PLCL2: variants seen among roughly 807,000 people sequenced by gnomAD.
The protein encoded by PLCL2 is phospholipase C like 2, also known as inactive phospholipase C-like protein 2.
PLCL2 carries 4 observed loss-of-function variants against 79.6 expected under a neutral mutation model. The ratio of observed to expected loss-of-function variants is 0.05; its 90% CI spans 0.02 to 0.11. PLCL2 has a LOEUF of 0.11. Among genes scored for constraint, PLCL2 ranks in the 10% least tolerant of loss-of-function variants. PLCL2 has a pLI of 1.00. For missense variants in PLCL2, 895 were observed against 1,291.0 expected (o/e 0.69, Z 4.70); for synonymous variants, 484 against 457.7 (o/e 1.06, Z -0.73).
chr3:16,961,179 A>G (rs762628188), intron 1 of PLCL2, among the ~76,000 whole-genome samples: 3 of 152,262 alleles, frequency 2.0e-5, no homozygotes, highest in Non-Finnish European at 2.9e-5. Flanking sequence ...ATTTCATTGT[A>G]TACTCGTGGT....
At chr3:16,902,283 GA>G (rs1696639251) in intron 1 of PLCL2, among the ~76,000 whole-genome samples, 1 of 152,222 alleles carries the variant, frequency 6.6e-6, no homozygotes, top group Non-Finnish European at 1.5e-5. Flanking sequence ...GCAAGGTTAA[GA>G]AATTACAGCA....
intron 1 of PLCL2, among the ~76,000 whole-genome samples, chr3:16,946,953 C>CTTT (rs1056023349): frequency 8.4e-5 from 8 of 95,436 alleles, no homozygotes; most frequent in African/African-American, 1.7e-4. Context: ...AAGTTTCATT[C>CTTT]TTTTTTTTTT....
intron 4 of PLCL2, among the ~76,000 whole-genome samples, chr3:17,050,755 A>T (rs1303104676): frequency 6.6e-6 from 1 of 152,204 alleles, no homozygotes; most frequent in Non-Finnish European, 1.5e-5. Flanking sequence ...AAAAAAACTA[A>T]AAATAGAGCT....
At chr3:16,996,310 G>C (rs1180096813) in intron 1 of PLCL2, among the ~76,000 whole-genome samples, 1 of 152,034 alleles carries the variant, frequency 6.6e-6, no homozygotes, top group Non-Finnish European at 1.5e-5. Context: ...TCCCGTAGGC[G>C]AGACTGACAC....
At position 17,011,039 on chromosome 3, in the gene PLCL2, A is replaced by G. The variant is rs1368193788; in HGVS notation, c.1693A>G (p.Ile565Val). 6.2e-7 allele frequency: 1 copy of G among 1,614,062 alleles called. No homozygotes were observed. The highest frequency in any genetic ancestry group is 1.7e-5 in the Admixed American group (1 of 60,008). Residue 565 changes from isoleucine to valine, a missense_variant, in exon 2 of 6, where the codon ATA becomes GTA. Ile to Val is a conservative substitution (Grantham distance 29). Transcript: ENST00000615277. This position sits in a 1 kb window ranked among gnomAD's most constrained non-coding sequence, Gnocchi z 7.9. ...ATCCCCAGATGTCCTGAAAGGGAAA[A>G]TACTAATTAAAGCAAAGAAGCTGTC... ...LPSPDVLKGK[I>V]LIKAKKLSSN...
chr3:16,968,382 T>C (rs1424345226), intron 1 of PLCL2, among the ~76,000 whole-genome samples: 1 of 152,162 alleles, frequency 6.6e-6, no homozygotes, highest in African/African-American at 2.4e-5. Flanking sequence ...TTGAATGATA[T>C]TGATTCTTCC....
At chr3:17,043,055 G>T in intron 4 of PLCL2, 106 bp downstream of exon 4, 2 of 759,002 alleles carry the variant, frequency 2.6e-6, no homozygotes, top group Admixed American at 2.0e-5. Context: ...AATCAAATAA[G>T]AAAATTATTT....
chr3:16,995,688 A>G (rs1453469811), intron 1 of PLCL2, among the ~76,000 whole-genome samples: 1 of 152,228 alleles, frequency 6.6e-6, no homozygotes, highest in East Asian at 1.9e-4. Flanking sequence ...CATTACTAAA[A>G]TTGGGCTTAT....
intron 5 of PLCL2, among the ~76,000 whole-genome samples, chr3:17,072,966 G>A (rs1348662210): frequency 1.3e-5 from 2 of 152,158 alleles, no homozygotes; most frequent in Admixed American, 6.5e-5. Flanking sequence ...TTTGTAAAAT[G>A]TCCTGTTCTA....
chr3:17,042,722 C>A, intron 3 of PLCL2, 152 bp from the exon 4 acceptor site: 1 of 616,080 alleles, frequency 1.6e-6, no homozygotes, highest in South Asian at 1.9e-5. Context: ...ATCATTTTCA[C>A]ATGCACATTT....
chr3:16,889,476 C>T (rs1696298865), intron 1 of PLCL2, among the ~76,000 whole-genome samples: 1 of 152,142 alleles, frequency 6.6e-6, no homozygotes, highest in South Asian at 2.1e-4. Flanking sequence ...TTTTAGTCAC[C>T]CGTTGTGGCT....
rs150300127 is a variant in PLCL2 at position 16,984,482 on chromosome 3, C to A, written c.328-25192C>A. 5.0e-3 allele frequency among the ~76,000 whole-genome samples: 758 copies of A among 152,176 alleles called. 8 individuals are homozygous for A. Among genetic ancestry groups the A allele is most frequent in the African/African-American group, 0.017 (695 of 41,490 alleles). On this transcript the variant is annotated intron_variant, in intron 1 of 5. Transcript: ENST00000615277. ...TAGAGTTTGTTGTTTTTATATGGAT[C>A]TTTTCAGGATTTATCTGTTTGTATT... is the stretch of plus-strand genomic sequence containing the variant.
At chr3:16,926,245 G>A (rs1355772714) in intron 1 of PLCL2, among the ~76,000 whole-genome samples, 1 of 152,074 alleles carries the variant, frequency 6.6e-6, no homozygotes, top group African/African-American at 2.4e-5. Context: ...AACAAAAAAA[G>A]CCCATTATTC....
At chr3:17,061,072 T>C (rs2064947877) in intron 4 of PLCL2, among the ~76,000 whole-genome samples, 1 of 152,214 alleles carries the variant, frequency 6.6e-6, no homozygotes, top group Non-Finnish European at 1.5e-5. Context: ...TATTTGCTTC[T>C]AAAATTTTAG....
chr3:17,016,756 C>CA (rs138265421), intron 3 of PLCL2, among the ~76,000 whole-genome samples: 4,386 of 152,072 alleles, frequency 0.029, 235 homozygotes, highest in African/African-American at 0.1. Flanking sequence ...GAGATGAAGC[C>CA]AAAAAAGTAT....
chr3:16,987,607 A>G (rs1009531288), intron 1 of PLCL2, among the ~76,000 whole-genome samples: 1 of 152,176 alleles, frequency 6.6e-6, no homozygotes, highest in Non-Finnish European at 1.5e-5. Flanking sequence ...TGGACAATAC[A>G]TGAAAAACTG....
At chr3:17,035,692 C>T (rs2064641595) in intron 3 of PLCL2, 4 of 451,438 alleles carry the variant, frequency 8.9e-6, no homozygotes, top group South Asian at 6.7e-5. Context: ...TGATTAAATT[C>T]AAACTCTGCA....
At chr3:17,066,894 AATAAC>A (rs2065015940) in intron 4 of PLCL2, among the ~76,000 whole-genome samples, 1 of 152,236 alleles carries the variant, frequency 6.6e-6, no homozygotes, top group African/African-American at 2.4e-5. Context: ...ATAAAAAACT[AATAAC>A]ATATAAGGGG....
At chr3:16,990,680 A>G (rs1342936334) in intron 1 of PLCL2, among the ~76,000 whole-genome samples, 5 of 152,150 alleles carry the variant, frequency 3.3e-5, no homozygotes, top group Admixed American at 2.6e-4. Context: ...TTTGTGCCTT[A>G]TCAAACCCTT....
Sources: allele counts gnomAD v4.1 joint callset (sites outside exome capture counted in the v4.1 genomes callset), GRCh38; gene constraint gnomAD v4.1.1; non-coding constraint Gnocchi (gnomAD v3.1); transcripts MANE v1.5; gene names NCBI Gene and HGNC (gene_info 2026-07-23, HGNC 2026-07-21).